Variants in LRBA observed in about 807,000 individuals in gnomAD.
LRBA encodes LPS responsive beige-like anchor protein.
Under a neutral mutation model 330.0 loss-of-function variants are expected in LRBA, and 176 were observed. That is an observed-to-expected ratio of 0.53 (90% confidence interval 0.47 to 0.60). The LOEUF (loss-of-function observed/expected upper bound fraction) is 0.60. Among genes scored for constraint, LRBA ranks in the 20% least tolerant of loss-of-function variants. The pLI is 0.00. For missense variants in LRBA, 3,259 were observed against 3,444.8 expected (o/e 0.95, Z 1.35); for synonymous variants, 1,230 against 1,193.0 (o/e 1.03, Z -0.64).
At chr4:150,356,132 C>T (rs1269552508) in intron 47 of LRBA, among the ~76,000 whole-genome samples, 1 of 151,958 alleles carries the variant, frequency 6.6e-6, no homozygotes, top group Non-Finnish European at 1.5e-5. Context: ...ATATAAAGTC[C>T]TTTCAACTTT....
At chr4:150,539,840 T>A (rs1225058770) in intron 40 of LRBA, among the ~76,000 whole-genome samples, 4 of 152,228 alleles carry the variant, frequency 2.6e-5, no homozygotes, top group African/African-American at 9.6e-5. Context: ...TTGTCAGTAC[T>A]GAAACTGTAT....
chr4:150,441,312 G>A (rs1751808257), intron 44 of LRBA, among the ~76,000 whole-genome samples: 1 of 151,968 alleles, frequency 6.6e-6, no homozygotes, highest in Non-Finnish European at 1.5e-5. Flanking sequence ...GTAAACAGTA[G>A]TCCCCATCAA....
Position 150,867,661 on chromosome 4 carries a change from A to G in LRBA, c.2766+10T>C. 6.3e-7 allele frequency: 1 copy of G among 1,586,626 alleles called. No homozygotes were observed. Among genetic ancestry groups the G allele is most frequent in the African/African-American group, 1.4e-5 (1 of 73,354 alleles). ...AAAATGCTACAATACGCTTTCATAA[A>G]GAAACTTACCTTTGAATGAGTGATT... On this transcript the variant is annotated intron_variant, in intron 22 of 56. Transcript: ENST00000651943.
At chr4:150,816,456 T>A (rs951934474) in intron 31 of LRBA, among the ~76,000 whole-genome samples, 4 of 151,910 alleles carry the variant, frequency 2.6e-5, no homozygotes, top group Non-Finnish European at 5.9e-5. Flanking sequence ...AAGCTTCCCA[T>A]CAATGTATAG....
intron 12 of LRBA, 125 bp downstream of exon 12, chr4:150,906,172 T>A (rs912147738): frequency 2.4e-6 from 2 of 817,966 alleles, no homozygotes; most frequent in African/African-American, 1.7e-5. Flanking sequence ...AAAATGTTAT[T>A]TTAGTTTAGG....
intron 34 of LRBA, among the ~76,000 whole-genome samples, chr4:150,784,547 C>T (rs897138473): frequency 7.9e-5 from 12 of 152,136 alleles, no homozygotes; most frequent in African/African-American, 2.7e-4. Context: ...TTTTGCCCTA[C>T]GTGAATGACA....
chr4:150,335,729 C>G (rs1221179980), intron 48 of LRBA, among the ~76,000 whole-genome samples: 1 of 152,128 alleles, frequency 6.6e-6, no homozygotes, highest in African/African-American at 2.4e-5. Flanking sequence ...TAGGATTTCA[C>G]TTTGTCACCC....
At chr4:150,560,842 C>T (rs1175344311) in intron 40 of LRBA, among the ~76,000 whole-genome samples, 1 of 151,930 alleles carries the variant, frequency 6.6e-6, no homozygotes, top group Non-Finnish European at 1.5e-5. Flanking sequence ...CAAAATTAGT[C>T]GGGCATGGTG....
At chr4:150,949,036 T>TAA (rs1248812494) in intron 2 of LRBA, among the ~76,000 whole-genome samples, 3 of 144,998 alleles carry the variant, frequency 2.1e-5, no homozygotes, top group African/African-American at 7.5e-5. Context: ...AATTTCTATT[T>TAA]AAAAAAAAAA....
chr4:150,828,050 A>T, intron 30 of LRBA, 130 bp downstream of exon 30: 1 of 688,216 alleles, frequency 1.5e-6, no homozygotes. Flanking sequence ...AGCTATTGGT[A>T]GTTAAGTTCT....
intron 2 of LRBA, among the ~76,000 whole-genome samples, chr4:150,989,347 G>A (rs1161518084): frequency 1.3e-5 from 2 of 151,370 alleles, no homozygotes; most frequent in Admixed American, 6.6e-5. Flanking sequence ...AGGCATGGTG[G>A]TTCACACCTG....
At chr4:150,962,050 C>T (rs1347305418) in intron 2 of LRBA, among the ~76,000 whole-genome samples, 1 of 149,436 alleles carries the variant, frequency 6.7e-6, no homozygotes, top group Non-Finnish European at 1.5e-5. Flanking sequence ...ACAAAGTCCA[C>T]ACTCTTAACC....
At chr4:150,432,325 A>G (rs1271933313) in intron 46 of LRBA, among the ~76,000 whole-genome samples, 1 of 152,112 alleles carries the variant, frequency 6.6e-6, no homozygotes, top group Admixed American at 6.6e-5. Context: ...TAGTATTTCT[A>G]GGAACTCCAG....
chr4:150,279,627 G>A (rs991098704), intron 55 of LRBA, among the ~76,000 whole-genome samples: 3 of 152,158 alleles, frequency 2.0e-5, no homozygotes, highest in African/African-American at 7.2e-5. Flanking sequence ...TCACCCAAAT[G>A]CCAACTTTTA....
intron 40 of LRBA, among the ~76,000 whole-genome samples, chr4:150,494,869 G>A (rs145598221): frequency 1.6e-3 from 246 of 152,048 alleles, no homozygotes; most frequent in African/African-American, 5.3e-3. Flanking sequence ...GCGTGGTTGC[G>A]GGCGCCTGTA....
rs540903408 is a variant in LRBA, at chr4:150,561,293, C to T, written c.6330+26755G>A. ...CTAGTAACACTGTATTCCTTCTAAA[C>T]CACAAAGGTATAGTGTGGTATGCAG... On this transcript the variant is annotated intron_variant, in intron 40 of 56. Transcript: ENST00000651943. Among the ~76,000 whole-genome samples the T allele has an allele frequency of 5.3e-5, 8 of 152,222 alleles. No homozygotes were observed. In the East Asian group the frequency reaches 1.4e-3, roughly 26 times the overall value.
chr4:150,583,683 G>A lies in LRBA; in HGVS notation c.6330+4365C>T. The A allele has an allele frequency of 6.2e-7, 1 of 1,613,854 alleles. No homozygotes were observed. The highest frequency in any genetic ancestry group is 8.5e-7 in the Non-Finnish European group (1 of 1,179,962). ...TGCTCTCGAAGGAGTGCTACTCGCT[G>A]ACCGGCAAGCAGAGCTCGGCAGAGA... On this transcript the variant is annotated intron_variant, in intron 40 of 56. Coordinates refer to ENST00000651943, the MANE Select transcript of LRBA (RefSeq NM_001364905.1). This position sits in a 1 kb window ranked among gnomAD's most constrained non-coding sequence, Gnocchi z 9.8.
intron 47 of LRBA, among the ~76,000 whole-genome samples, chr4:150,391,485 C>T (rs977227493): frequency 6.6e-6 from 1 of 152,088 alleles, no homozygotes; most frequent in Non-Finnish European, 1.5e-5. Context: ...CCTAAAAGAT[C>T]AATTACACTC....
intron 2 of LRBA, among the ~76,000 whole-genome samples, chr4:151,003,166 T>C (rs1561118134): frequency 6.6e-6 from 1 of 151,662 alleles, no homozygotes; most frequent in African/African-American, 2.4e-5. Flanking sequence ...GAGGCCAAGA[T>C]GGACAGATCA....
Sources: allele counts gnomAD v4.1 joint callset (sites outside exome capture counted in the v4.1 genomes callset), GRCh38; gene constraint gnomAD v4.1.1; non-coding constraint Gnocchi (gnomAD v3.1); transcripts MANE v1.5; gene names NCBI Gene and HGNC (gene_info 2026-07-23, HGNC 2026-07-21).